The following WWOX variants were observed in gnomAD, a reference collection of about 807,000 sequenced individuals.
The protein encoded by WWOX is WW domain-containing oxidoreductase.
A neutral mutation model predicts 46.2 loss-of-function variants in WWOX; 69 were observed. The observed-to-expected ratio is 1.49, with a 90% CI of 1.23 to 1.82. The LOEUF (loss-of-function observed/expected upper bound fraction) is 1.82, where lower values mean the gene tolerates loss of function less well. Among genes scored for constraint, WWOX ranks in the 40% most tolerant of loss-of-function variants. The pLI, the probability that WWOX is intolerant of heterozygous loss-of-function variation, is 0.00. For missense variants in WWOX, 919 were observed against 542.6 expected (o/e 1.69, Z -6.89); for synonymous variants, 359 against 202.6 (o/e 1.77, Z -6.56).
chr16:78,177,875 A>G (rs962661361), intron 5 of WWOX, among the ~76,000 whole-genome samples: 5 of 152,228 alleles, frequency 3.3e-5, no homozygotes, highest in African/African-American at 1.2e-4. Context: ...GACTGAACAG[A>G]CTTGCTTAGT....
intron 8 of WWOX, among the ~76,000 whole-genome samples, chr16:78,745,282 G>C (rs1436754833): frequency 6.6e-6 from 1 of 152,212 alleles, no homozygotes; most frequent in East Asian, 1.9e-4. Context: ...GCTTTTGGCT[G>C]AGCTGGGCAT....
intron 1 of WWOX, among the ~76,000 whole-genome samples, chr16:78,103,416 G>A (rs993760285): frequency 6.6e-6 from 1 of 152,038 alleles, no homozygotes; most frequent in African/African-American, 2.4e-5. Flanking sequence ...GTATACACCA[G>A]CTGAGATGCC....
chr16:79,150,464 C>T (rs1481846594), intron 8 of WWOX, among the ~76,000 whole-genome samples: 1 of 152,086 alleles, frequency 6.6e-6, no homozygotes, highest in Non-Finnish European at 1.5e-5. Context: ...ATAAATGGTG[C>T]TAAATCTATG....
chr16:78,151,993 G>A (rs942927680), intron 4 of WWOX, among the ~76,000 whole-genome samples: 25 of 152,158 alleles, frequency 1.6e-4, no homozygotes, highest in South Asian at 6.2e-4. Context: ...GATGGAGACC[G>A]TCCTGGCTAA....
Position 78,196,522 on chromosome 16 carries a change from T to C in WWOX, c.516+32233T>C, listed in dbSNP as rs1041641977. On this transcript the variant is annotated intron_variant, in intron 5 of 8. Transcript: ENST00000566780. ...AACCACATTAATTACCCACCTAGCC[T>C]CTTATTACCATGTTTGTATTGTTTG... 2.2e-4 allele frequency among the ~76,000 whole-genome samples: 33 copies of C among 152,330 alleles called. 1 individual carries two copies. In the Middle Eastern group the frequency reaches 0.01, roughly 47 times the overall value.
At chr16:79,126,980 C>T (rs182127177) in intron 8 of WWOX, among the ~76,000 whole-genome samples, 2 of 151,656 alleles carry the variant, frequency 1.3e-5, no homozygotes, top group Admixed American at 1.3e-4. Flanking sequence ...AGGTGCCTGG[C>T]TTATGTGGCC....
chr16:78,172,219 A>T (rs2151744184), intron 5 of WWOX, among the ~76,000 whole-genome samples: 1 of 152,354 alleles, frequency 6.6e-6, no homozygotes, highest in South Asian at 2.1e-4. Context: ...TAAAAAGTAC[A>T]TCCGCTGCGC....
chr16:79,011,135 C>CCACACACACA (rs10611855), intron 8 of WWOX, among the ~76,000 whole-genome samples: 1 of 146,212 alleles, frequency 6.8e-6, no homozygotes. Context: ...ACTCACACAT[C>CCACACACACA]CACACACACA....
rs138974770 is a variant in WWOX at position 78,961,340 on chromosome 16, G to T, written c.1057-250268G>T. On this transcript the variant is annotated intron_variant, in intron 8 of 8. Transcript: ENST00000566780. ...ATTGATGTAGTTCTCTGTAAAACTA[G>T]TTGGTGTAAGGAAACTTGGTCTTTG... is the stretch of plus-strand genomic sequence containing the variant. Among the ~76,000 whole-genome samples, 995 of 152,326 alleles carry T rather than the reference G, an allele frequency of 6.5e-3. 3 individuals are homozygous for T. Among genetic ancestry groups the T allele is most frequent in the Admixed American group, 1.0e-2 (153 of 15,308 alleles).
At chr16:78,501,610 C>T (rs1218277915) in intron 8 of WWOX, among the ~76,000 whole-genome samples, 6 of 151,676 alleles carry the variant, frequency 4.0e-5, no homozygotes, top group African/African-American at 1.5e-4. Flanking sequence ...GATCTTGGCT[C>T]ACTGCAACCT....
At chr16:79,103,538 A>T (rs898703980) in intron 8 of WWOX, among the ~76,000 whole-genome samples, 14 of 152,190 alleles carry the variant, frequency 9.2e-5, no homozygotes, top group African/African-American at 3.1e-4. Flanking sequence ...ATTATGGAAC[A>T]TGGAGAAAAG....
chr16:78,717,152 C>G lies in WWOX; in HGVS notation c.1056+284400C>G, dbSNP rs182782737. On this transcript the variant is annotated intron_variant, in intron 8 of 8. Transcript: ENST00000566780. ...GAGAACAGAGGTGCTCTGTGTAAAT[C>G]TAGTCTGTCTCCCCAGGCTTAGTGG... Among the ~76,000 whole-genome samples the G allele has an allele frequency of 7.9e-5, 12 of 152,282 alleles. No individual in the cohort carries two copies. The East Asian group carries it at 2.1e-3, about 27-fold the overall frequency.
chr16:78,257,192 G>GT (rs1252981578), intron 5 of WWOX, among the ~76,000 whole-genome samples: 4 of 151,900 alleles, frequency 2.6e-5, no homozygotes, highest in Admixed American at 6.6e-5. Context: ...GTCATCTGTT[G>GT]TTTTTCTAAT....
chr16:78,596,848 G>C (rs950138734), intron 8 of WWOX, among the ~76,000 whole-genome samples: 1 of 152,018 alleles, frequency 6.6e-6, no homozygotes, highest in Non-Finnish European at 1.5e-5. Flanking sequence ...GCAGTGATGG[G>C]GCTGGCTTTG....
intron 8 of WWOX, among the ~76,000 whole-genome samples, chr16:78,502,351 C>G (rs539041463): frequency 1.3e-5 from 2 of 152,162 alleles, no homozygotes; most frequent in Non-Finnish European, 2.9e-5. Flanking sequence ...CCTCCTCTCT[C>G]CAGTTCCTGG....
In WWOX at chr16:78,637,012, G is replaced by A. The variant is rs80191768; in HGVS notation, c.1056+204260G>A. On this transcript the variant is annotated intron_variant, in intron 8 of 8. Transcript: ENST00000566780. ...AGAGGCAAGTGCGCATTTGAGACAG[G>A]TTGAGGGTTCAAGCTGTCCAATCCC... is the stretch of plus-strand genomic sequence containing the variant. Among the ~76,000 whole-genome samples the A allele has an allele frequency of 1.1e-3, 163 of 152,320 alleles. 2 individuals are homozygous for A. The East Asian group carries it at 0.023, about 22-fold the overall frequency.
At chr16:78,494,310 T>C (rs1293404385) in intron 8 of WWOX, among the ~76,000 whole-genome samples, 1 of 152,122 alleles carries the variant, frequency 6.6e-6, no homozygotes, top group African/African-American at 2.4e-5. Context: ...GTGAGGTCCC[T>C]TCTCCAACAC....
chr16:79,158,162 T>G (rs1460019300), intron 8 of WWOX, among the ~76,000 whole-genome samples: 1 of 152,104 alleles, frequency 6.6e-6, no homozygotes, highest in East Asian at 1.9e-4. Context: ...TCTGGAAGTT[T>G]AAAAATATAT....
At chr16:78,609,618 C>T (rs1054325269) in intron 8 of WWOX, among the ~76,000 whole-genome samples, 2 of 151,428 alleles carry the variant, frequency 1.3e-5, no homozygotes, top group African/African-American at 2.4e-5. Context: ...CAGGCAGGCT[C>T]TTGGGGGCTT....
Sources: gnomAD v4.1 joint callset for allele counts (sites outside exome capture counted in the v4.1 genomes callset) on GRCh38, gnomAD v4.1.1 for gene constraint, MANE v1.5 for transcripts, NCBI Gene and HGNC (gene_info 2026-07-23, HGNC 2026-07-21) for gene names.